KIAA1328: variants seen among roughly 807,000 people sequenced by gnomAD.
KIAA1328 encodes protein hinderin.
Under a neutral mutation model 68.1 loss-of-function variants are expected in KIAA1328, and 52 were observed. The observed-to-expected ratio is 0.76, with a 90% CI of 0.61 to 0.96. The LOEUF (loss-of-function observed/expected upper bound fraction) is 0.96. Ranked by LOEUF, KIAA1328 falls within the 40% of genes least tolerant of loss-of-function variation. The pLI is 0.00. For missense variants in KIAA1328, 641 were observed against 677.6 expected, an observed-to-expected ratio of 0.95 and a Z score of 0.60; for synonymous variants, 232 against 239.4, an observed-to-expected ratio of 0.97 and a Z score of 0.28.
At chr18:36,953,057 G>C (rs1275556864) in intron 5 of KIAA1328, among the ~76,000 whole-genome samples, 1 of 151,238 alleles carries the variant, frequency 6.6e-6, no homozygotes, top group South Asian at 2.1e-4. Flanking sequence ...CAAATATATA[G>C]AGAGTTGACA....
intron 9 of KIAA1328, among the ~76,000 whole-genome samples, chr18:37,220,127 A>T (rs2060529104): frequency 6.6e-6 from 1 of 152,228 alleles, no homozygotes; most frequent in African/African-American, 2.4e-5. Context: ...AGAGGTGATT[A>T]TTCTTGGGGA....
At chr18:37,039,490 G>A (rs1306754167) in intron 6 of KIAA1328, among the ~76,000 whole-genome samples, 1 of 151,542 alleles carries the variant, frequency 6.6e-6, no homozygotes, top group Non-Finnish European at 1.5e-5. Flanking sequence ...TCGGCTCACT[G>A]CACCCTCCTC....
At chr18:37,102,446 T>C (rs111476253) in intron 7 of KIAA1328, among the ~76,000 whole-genome samples, 19 of 152,258 alleles carry the variant, frequency 1.2e-4, no homozygotes, top group African/African-American at 4.1e-4. Context: ...GAAAATGAAA[T>C]GTGGTATATC....
intron 4 of KIAA1328, among the ~76,000 whole-genome samples, chr18:36,873,799 A>G (rs998063490): frequency 6.6e-6 from 1 of 152,174 alleles, no homozygotes; most frequent in Non-Finnish European, 1.5e-5. Context: ...TCAACCCATC[A>G]TCTACATTAA....
chr18:36,875,563 T>G (rs1157118456), intron 4 of KIAA1328, among the ~76,000 whole-genome samples: 3 of 152,342 alleles, frequency 2.0e-5, no homozygotes, highest in Admixed American at 1.3e-4. Flanking sequence ...AAGGAGTTTT[T>G]GGGCTGAGAC....
At chr18:37,166,945 A>G (rs982348133) in intron 8 of KIAA1328, among the ~76,000 whole-genome samples, 1 of 152,210 alleles carries the variant, frequency 6.6e-6, no homozygotes, top group Non-Finnish European at 1.5e-5. Flanking sequence ...TCCCAACAAA[A>G]CAAGCCCAGG....
intron 9 of KIAA1328, among the ~76,000 whole-genome samples, chr18:37,183,147 A>T (rs956688165): frequency 4.6e-5 from 7 of 152,234 alleles, no homozygotes; most frequent in Middle Eastern, 3.4e-3. Context: ...TGTCTAGATG[A>T]TAGGGTTAAG....
intron 6 of KIAA1328, among the ~76,000 whole-genome samples, chr18:36,995,515 T>C (rs2053356356): frequency 6.6e-6 from 1 of 152,228 alleles, no homozygotes; most frequent in Admixed American, 6.5e-5. Flanking sequence ...TTTTTTACAT[T>C]CCTTTCTGCC....
chr18:37,064,538 C>CT (rs937862367), intron 6 of KIAA1328, among the ~76,000 whole-genome samples: 2 of 112,214 alleles, frequency 1.8e-5, no homozygotes, highest in Non-Finnish European at 3.7e-5. Flanking sequence ...CTGAAAGTAC[C>CT]CCCCCCCCCA....
chr18:37,191,382 T>C (rs2059901915), intron 9 of KIAA1328, among the ~76,000 whole-genome samples: 1 of 152,244 alleles, frequency 6.6e-6, no homozygotes, highest in African/African-American at 2.4e-5. Flanking sequence ...TTCTTTTACA[T>C]GTGCCTGCAC....
At chr18:37,027,800 A>T (rs574907556) in intron 6 of KIAA1328, among the ~76,000 whole-genome samples, 79 of 152,242 alleles carry the variant, frequency 5.2e-4, no homozygotes, top group African/African-American at 1.9e-3. Flanking sequence ...TTCAGGACAT[A>T]GGCATGGGCA....
rs575287855 is a variant in KIAA1328, at chr18:36,907,899, A to G, written c.448+22227A>G. ...CTGGAGTGAGTTTTTTCCCCTTTCTAATGGAAGCATTTTTAACTACAAATT... is the reference window on the plus strand; with the variant it reads ...CTGGAGTGAGTTTTTTCCCCTTTCTGATGGAAGCATTTTTAACTACAAATT... On this transcript the variant is annotated intron_variant, in intron 5 of 9. Coordinates refer to ENST00000280020, the MANE Select transcript of KIAA1328 (RefSeq NM_020776.3). Among the ~76,000 whole-genome samples the G allele has an allele frequency of 1.4e-4, 22 of 152,180 alleles. 1 individual carries two copies. The South Asian group carries it at 4.1e-3, about 29-fold the overall frequency.
intron 7 of KIAA1328, among the ~76,000 whole-genome samples, chr18:37,107,492 A>G (rs2057805687): frequency 6.6e-6 from 1 of 152,200 alleles, no homozygotes; most frequent in Non-Finnish European, 1.5e-5. Context: ...GCCCATGAGC[A>G]TAGAATGTTT....
At chr18:37,209,877 T>C (rs2060284292) in intron 9 of KIAA1328, among the ~76,000 whole-genome samples, 1 of 152,176 alleles carries the variant, frequency 6.6e-6, no homozygotes, top group Non-Finnish European at 1.5e-5. Flanking sequence ...ATATTGGAGC[T>C]ATTCATTTAG....
At chr18:37,080,468 T>C (rs1470258774) in intron 7 of KIAA1328, among the ~76,000 whole-genome samples, 2 of 152,160 alleles carry the variant, frequency 1.3e-5, no homozygotes, top group African/African-American at 2.4e-5. Context: ...GCTGTAACAC[T>C]GGCCACCTTT....
At chr18:36,910,374 A>T (rs1200595651) in intron 5 of KIAA1328, among the ~76,000 whole-genome samples, 1 of 152,178 alleles carries the variant, frequency 6.6e-6, no homozygotes, top group Non-Finnish European at 1.5e-5. Context: ...TTTATTAAAT[A>T]GGGAATCCTT....
At chr18:37,119,796 G>A (rs1402755448) in intron 7 of KIAA1328, among the ~76,000 whole-genome samples, 1 of 152,096 alleles carries the variant, frequency 6.6e-6, no homozygotes. Flanking sequence ...AATATACATG[G>A]TATGTATTTC....
intron 7 of KIAA1328, among the ~76,000 whole-genome samples, chr18:37,133,679 C>A (rs2058578275): frequency 1.3e-5 from 2 of 151,730 alleles, no homozygotes. Context: ...GTGCCTGCCA[C>A]AATGCCTGGC....
intron 6 of KIAA1328, among the ~76,000 whole-genome samples, chr18:37,023,098 A>C (rs951808951): frequency 6.6e-6 from 1 of 152,168 alleles, no homozygotes; most frequent in Non-Finnish European, 1.5e-5. Context: ...TGGCACAATC[A>C]TGGCTCACTG....
Sources: allele counts gnomAD v4.1 joint callset (sites outside exome capture counted in the v4.1 genomes callset), GRCh38; gene constraint gnomAD v4.1.1; transcripts MANE v1.5; gene names NCBI Gene and HGNC (gene_info 2026-07-23, HGNC 2026-07-21).